MAPK10: variants seen among roughly 807,000 people sequenced by gnomAD.
The protein encoded by MAPK10 is mitogen-activated protein kinase 10.
A neutral mutation model predicts 59.3 loss-of-function variants in MAPK10; 25 were observed. The ratio of observed to expected loss-of-function variants is 0.42; its 90% CI spans 0.31 to 0.59. The LOEUF is 0.59. Ranked by LOEUF, MAPK10 falls within the 20% of genes least tolerant of loss-of-function variation. The probability of loss-of-function intolerance (pLI) is 0.15; values close to 1 mark genes in which losing one functional copy is unlikely to be tolerated. For synonymous variants in MAPK10, 190 were observed against 200.5 expected (o/e 0.95, Z 0.44); for missense variants, 351 against 568.9 (o/e 0.62, Z 3.90).
intron 2 of MAPK10, among the ~76,000 whole-genome samples, chr4:86,314,160 G>A (rs2095728486): frequency 6.6e-6 from 1 of 152,108 alleles, no homozygotes; most frequent in Non-Finnish European, 1.5e-5. Context: ...GAAGTCAGAA[G>A]AGCCATTGCC....
intron 1 of MAPK10, among the ~76,000 whole-genome samples, chr4:86,409,651 C>G (rs1229772535): frequency 6.6e-6 from 1 of 152,116 alleles, no homozygotes; most frequent in Non-Finnish European, 1.5e-5. Context: ...GTATTTTATT[C>G]TCTTTGTAGT....
chr4:86,119,543 C>T (rs1261146984), intron 4 of MAPK10: 1 of 139,332 alleles, frequency 7.2e-6, no homozygotes, highest in East Asian at 2.1e-4. Context: ...TGCAGTGAGC[C>T]ACTGCATTCC....
intron 2 of MAPK10, among the ~76,000 whole-genome samples, chr4:86,227,160 T>C (rs1304920635): frequency 6.6e-6 from 1 of 151,930 alleles, no homozygotes; most frequent in Non-Finnish European, 1.5e-5. Context: ...TACAAAAGTG[T>C]AAATATCTAC....
chr4:86,556,452 C>T (rs1474584070), intron 1 of MAPK10, among the ~76,000 whole-genome samples: 1 of 152,060 alleles, frequency 6.6e-6, no homozygotes, highest in Non-Finnish European at 1.5e-5. Flanking sequence ...AAATATAACA[C>T]ATGTGCACCT....
intron 1 of MAPK10, among the ~76,000 whole-genome samples, chr4:86,565,248 C>T (rs1760978771): frequency 6.6e-6 from 1 of 152,178 alleles, no homozygotes; most frequent in Admixed American, 6.5e-5. Flanking sequence ...AGTATATTCT[C>T]ACATCATACA....
intron 1 of MAPK10, among the ~76,000 whole-genome samples, chr4:86,521,319 T>C (rs1024597794): frequency 6.6e-6 from 1 of 152,272 alleles, no homozygotes; most frequent in Non-Finnish European, 1.5e-5. Flanking sequence ...AATGAGTACT[T>C]GGGTTTCTCA....
chr4:86,158,509 T>A (rs2068529198), intron 4 of MAPK10, among the ~76,000 whole-genome samples: 1 of 151,780 alleles, frequency 6.6e-6, no homozygotes, highest in East Asian at 1.9e-4. Context: ...CCTTTATAAA[T>A]AAATACACAT....
intron 4 of MAPK10, among the ~76,000 whole-genome samples, chr4:86,141,860 G>A (rs898925586): frequency 6.6e-6 from 1 of 152,172 alleles, no homozygotes; most frequent in Admixed American, 6.5e-5. Flanking sequence ...TTTAGCTCAT[G>A]GTTCTGCAGG....
chr4:86,380,635 C>G (rs1382570115), intron 1 of MAPK10, among the ~76,000 whole-genome samples: 1 of 152,090 alleles, frequency 6.6e-6, no homozygotes, highest in Admixed American at 6.5e-5. Context: ...TCAAAACAAT[C>G]TCACAGAGTC....
rs117940678 is a variant in MAPK10 at position 86,274,901 on chromosome 4, A to G, written c.-7+79629T>C. ...TAAGCAATTTTCTCAATTAAATGGA[A>G]GATAAGAAGGAATTTGGCTTAGGGC... On this transcript the variant is annotated intron_variant, in intron 2 of 13. Coordinates refer to ENST00000641462, the MANE Select transcript of MAPK10 (RefSeq NM_138982.4). Among the ~76,000 whole-genome samples the G allele has an allele frequency of 1.3e-4, 20 of 152,148 alleles. No individual in the cohort carries two copies. In the East Asian group the frequency reaches 3.9e-3, roughly 29 times the overall value.
chr4:86,049,577 A>G (rs558976431), intron 11 of MAPK10, among the ~76,000 whole-genome samples: 44 of 152,246 alleles, frequency 2.9e-4, no homozygotes, highest in African/African-American at 1.0e-3. Flanking sequence ...AGTTTAAAAT[A>G]GTTCAATTAC....
chr4:86,542,761 G>C (rs1461633725), intron 1 of MAPK10, among the ~76,000 whole-genome samples: 1 of 152,146 alleles, frequency 6.6e-6, no homozygotes, highest in African/African-American at 2.4e-5. Context: ...AAACTTTCAA[G>C]GGAACACTAC....
At chr4:86,148,123 A>T (rs1453686670) in intron 4 of MAPK10, among the ~76,000 whole-genome samples, 3 of 152,232 alleles carry the variant, frequency 2.0e-5, no homozygotes, top group African/African-American at 4.8e-5. Context: ...GCAGACACAG[A>T]TTTTAATAGC....
At chr4:86,466,540 C>T (rs530562748) in intron 1 of MAPK10, among the ~76,000 whole-genome samples, 3 of 152,238 alleles carry the variant, frequency 2.0e-5, no homozygotes, top group Middle Eastern at 6.8e-3. Context: ...TCTCCACAAC[C>T]GAGCTTGTCT....
Position 86,395,989 on chromosome 4 carries a change from A to G in MAPK10, c.-121-41345T>C, listed in dbSNP as rs148114497. 4.8e-3 allele frequency among the ~76,000 whole-genome samples: 725 copies of G among 152,300 alleles called. 6 individuals carry two copies. The highest frequency in any genetic ancestry group is 8.8e-3 in the Non-Finnish European group (602 of 68,024). On this transcript the variant is annotated intron_variant, in intron 1 of 13. Coordinates refer to the MAPK10 transcript ENST00000361569. The stretch of plus-strand genomic sequence containing the variant: ...ACAAGCATTCGGTTTGTACCACATA[A>G]AACACACCATTCTCGCCATTCTATC...
intron 1 of MAPK10, among the ~76,000 whole-genome samples, chr4:86,482,895 T>C (rs1753712449): frequency 6.6e-6 from 1 of 152,186 alleles, no homozygotes; most frequent in African/African-American, 2.4e-5. Flanking sequence ...CTAATTTTTT[T>C]CCCTCTTTTC....
chr4:86,577,689 G>C (rs1762003517), intron 1 of MAPK10, among the ~76,000 whole-genome samples: 1 of 152,068 alleles, frequency 6.6e-6, no homozygotes, highest in African/African-American at 2.4e-5. Flanking sequence ...AATAGCCCAA[G>C]AAAATTAATA....
intron 3 of MAPK10, among the ~76,000 whole-genome samples, chr4:86,185,244 T>C (rs2077919212): frequency 6.6e-6 from 1 of 152,010 alleles, no homozygotes; most frequent in Non-Finnish European, 1.5e-5. Context: ...ACCAGCAACA[T>C]ATATAGAACG....
intron 1 of MAPK10, among the ~76,000 whole-genome samples, chr4:86,510,944 A>C (rs954889197): frequency 9.9e-5 from 15 of 152,188 alleles, no homozygotes; most frequent in African/African-American, 2.4e-5. Context: ...GTTAGATAGA[A>C]GGAATAAGTT....
Sources: gnomAD v4.1 joint callset for allele counts (sites outside exome capture counted in the v4.1 genomes callset) on GRCh38, gnomAD v4.1.1 for gene constraint, MANE v1.5 for transcripts, NCBI Gene and HGNC (gene_info 2026-07-23, HGNC 2026-07-21) for gene names.